Variants in NRXN1 observed in about 807,000 individuals in gnomAD.
NRXN1 encodes the protein neurexin 1.
NRXN1 carries 39 observed loss-of-function variants against 150.9 expected under a neutral mutation model. The observed-to-expected ratio is 0.26, with a 90% confidence interval of 0.20 to 0.34. The LOEUF (loss-of-function observed/expected upper bound fraction) is 0.34. NRXN1 is among the 10% of genes least tolerant of loss of function. The pLI is 1.00. For missense variants in NRXN1, 1,815 were observed against 1,949.9 expected (o/e 0.93, Z 1.30); for synonymous variants, 924 against 757.0 (o/e 1.22, Z -3.62).
intron 8 of NRXN1, among the ~76,000 whole-genome samples, chr2:50,556,878 A>T (rs1398849287): frequency 6.6e-6 from 1 of 152,160 alleles, no homozygotes; most frequent in Non-Finnish European, 1.5e-5. Context: ...ACTGACATCT[A>T]TAAAGGAAAG....
rs1031869862 is a variant in NRXN1 at position 50,154,305 on chromosome 2, C to T, written c.3547-62811G>A. ...TGCACCAAAATCTCAGAAATCATCA[C>T]TAAATCATTATTAAGAACTTATTCA... is the stretch of plus-strand genomic sequence containing the variant. On this transcript the variant is annotated intron_variant, in intron 18 of 22. Transcript: ENST00000401669. Among the ~76,000 whole-genome samples the T allele has an allele frequency of 2.0e-5, 3 of 151,622 alleles. No homozygotes were observed. The East Asian group carries it at 5.8e-4, about 30-fold the overall frequency.
chr2:50,053,460 T>G lies in NRXN1; in HGVS notation c.3939A>C (p.Glu1313Asp). The change falls in exon 21 of 23, where the codon GAA becomes GAC. Residue 1313 changes from glutamate to aspartate, a missense_variant. Coordinates refer to ENST00000401669, the MANE Select transcript of NRXN1 (RefSeq NM_001330078.2). Reference sequence around the variant, plus strand: ...CCACTATGGCGATGTTGGCATCGTTTTCGGCTGCCATATTCAGAACTTTCA... The same window carrying G: ...CCACTATGGCGATGTTGGCATCGTTGTCGGCTGCCATATTCAGAACTTTCA... Reference protein sequence around the residue: ...NGLKVLNMAAENDANIAIVGN... With the variant: ...NGLKVLNMAADNDANIAIVGN... 1.9e-6 allele frequency: 3 copies of G among 1,614,004 alleles called. No individual in the cohort carries two copies. Among genetic ancestry groups the G allele is most frequent in the Non-Finnish European group, 2.5e-6 (3 of 1,179,916 alleles).
At chr2:49,970,945 C>G (rs74963562) in intron 21 of NRXN1, among the ~76,000 whole-genome samples, 1,838 of 152,110 alleles carry the variant, frequency 0.012, 43 homozygotes, top group African/African-American at 0.041. Context: ...ACCACTTGAT[C>G]TAAGTATGAT....
At chr2:50,633,498 G>C (rs921755086) in intron 5 of NRXN1, among the ~76,000 whole-genome samples, 4 of 151,420 alleles carry the variant, frequency 2.6e-5, no homozygotes, top group African/African-American at 9.7e-5. Flanking sequence ...GCTTGACCAA[G>C]GCTTTTTGGT....
At chr2:50,999,135 T>C (rs1347143048) in intron 2 of NRXN1, among the ~76,000 whole-genome samples, 2 of 152,056 alleles carry the variant, frequency 1.3e-5, no homozygotes, top group Non-Finnish European at 2.9e-5. Context: ...GTATTTATCC[T>C]CTATGCAATT....
chr2:50,125,381 C>A (rs904979823), intron 18 of NRXN1, among the ~76,000 whole-genome samples: 3 of 152,032 alleles, frequency 2.0e-5, no homozygotes, highest in African/African-American at 7.2e-5. Context: ...AAATGTATTT[C>A]CAGAGTTTTC....
At chr2:50,543,047 C>G (rs11125316) in intron 9 of NRXN1, among the ~76,000 whole-genome samples, 42,586 of 151,850 alleles carry the variant, frequency 0.28, 6,372 homozygotes, top group East Asian at 0.51. Context: ...TTGCCAAACT[C>G]TATATATCAA....
At chr2:50,169,757 G>C (rs2059915936) in intron 18 of NRXN1, among the ~76,000 whole-genome samples, 1 of 149,826 alleles carries the variant, frequency 6.7e-6, no homozygotes, top group South Asian at 2.1e-4. Context: ...GGATGAGGTA[G>C]ATGGAGGACG....
intron 15 of NRXN1, among the ~76,000 whole-genome samples, chr2:50,474,977 G>C (rs1478959335): frequency 6.6e-6 from 1 of 151,882 alleles, no homozygotes; most frequent in African/African-American, 2.4e-5. Context: ...TAGAAACCAA[G>C]GTGAGTTATA....
chr2:50,659,733 T>C (rs924174842), intron 5 of NRXN1, among the ~76,000 whole-genome samples: 2 of 147,630 alleles, frequency 1.4e-5, no homozygotes, highest in South Asian at 4.3e-4. Flanking sequence ...TCCTTTTTCT[T>C]TTTTTTTTTT....
intron 18 of NRXN1, among the ~76,000 whole-genome samples, chr2:50,155,163 C>A (rs1340658880): frequency 6.6e-6 from 1 of 151,528 alleles, no homozygotes; most frequent in Non-Finnish European, 1.5e-5. Flanking sequence ...TCCACAGATT[C>A]TTTTATTATG....
At chr2:50,887,556 T>C (rs1680439155) in intron 5 of NRXN1, among the ~76,000 whole-genome samples, 3 of 151,452 alleles carry the variant, frequency 2.0e-5, no homozygotes, top group African/African-American at 7.2e-5. Flanking sequence ...CTAAAGTCTT[T>C]AGTGTTTAAC....
chr2:50,738,347 T>A (rs1383311914), intron 5 of NRXN1, among the ~76,000 whole-genome samples: 1 of 152,228 alleles, frequency 6.6e-6, no homozygotes, highest in Non-Finnish European at 1.5e-5. Context: ...CAGTTGTGTA[T>A]GTATTCCAAA....
chr2:50,668,997 C>T (rs1473961869), intron 5 of NRXN1, among the ~76,000 whole-genome samples: 1 of 151,872 alleles, frequency 6.6e-6, no homozygotes, highest in Non-Finnish European at 1.5e-5. Context: ...ACAGGCCCTC[C>T]AGGTGATGAA....
chr2:50,433,348 G>A (rs1303719429), intron 17 of NRXN1, among the ~76,000 whole-genome samples: 1 of 152,076 alleles, frequency 6.6e-6, no homozygotes, highest in Non-Finnish European at 1.5e-5. Flanking sequence ...TTAAATATAT[G>A]AGTGCATGTT....
intron 17 of NRXN1, among the ~76,000 whole-genome samples, chr2:50,311,223 T>G (rs1305322251): frequency 6.6e-6 from 1 of 152,104 alleles, no homozygotes; most frequent in Non-Finnish European, 1.5e-5. Flanking sequence ...TTTCAAAGGT[T>G]GCTTAATCAA....
At chr2:50,613,782 C>G (rs1678576459) in intron 8 of NRXN1, among the ~76,000 whole-genome samples, 1 of 151,984 alleles carries the variant, frequency 6.6e-6, no homozygotes, top group African/African-American at 2.4e-5. Flanking sequence ...ACTAAAAATA[C>G]AAAAAATTAC....
intron 17 of NRXN1, among the ~76,000 whole-genome samples, chr2:50,239,502 T>A (rs112048656): frequency 6.8e-6 from 1 of 147,330 alleles, no homozygotes; most frequent in Admixed American, 6.8e-5. Context: ...CTTTCACAAT[T>A]AAAAAAAATC....
At chr2:50,252,262 T>TTTTTTTTTTC (rs2067197264) in intron 17 of NRXN1, among the ~76,000 whole-genome samples, 1 of 53,196 alleles carries the variant, frequency 1.9e-5, no homozygotes, top group Non-Finnish European at 4.1e-5. Flanking sequence ...TCTTTTCTTT[T>TTTTTTTTTTC]TTTTTTTTTT....
Sources: gnomAD v4.1 joint callset for allele counts (sites outside exome capture counted in the v4.1 genomes callset) on GRCh38, gnomAD v4.1.1 for gene constraint, MANE v1.5 for transcripts, NCBI Gene and HGNC (gene_info 2026-07-23, HGNC 2026-07-21) for gene names.